The following PRR18 variants were observed in gnomAD, a reference collection of about 807,000 sequenced individuals.
The protein encoded by PRR18 is proline rich 18.
For synonymous variants in PRR18, 228 were observed against 220.2 expected, an observed-to-expected ratio of 1.04 and a Z score of -0.32; for missense variants, 517 against 437.4, an observed-to-expected ratio of 1.18 and a Z score of -1.62.
chr6:166,307,209 A>G lies in PRR18; in HGVS notation c.*46T>C. The G allele has an allele frequency of 1.5e-6, 2 of 1,361,870 alleles. No homozygotes were observed. The highest frequency in any genetic ancestry group is 3.5e-5 in the South Asian group (2 of 57,294). The allele number at this position is 1,361,870 out of a possible 1,614,324, so 84.4% of individuals were successfully genotyped here. A position where few individuals can be genotyped will look rare whatever the true frequency, so the allele number is the denominator to read the frequency against. On this transcript the variant is annotated 3_prime_UTR_variant, in exon 1 of 1. Transcript: ENST00000322583. The stretch of plus-strand genomic sequence containing the variant: ...CCTAGGCGGAGTGGCGCGTGCAGGA[A>G]GTGAGGTGGGATCAGGCCTGGCCTG...
chr6:166,307,300 G>A lies in PRR18; in HGVS notation c.843C>T (p.Gly281=), dbSNP rs1778111123. The change falls in exon 1 of 1, where the codon GGC becomes GGT. Residue 281 remains glycine, a synonymous_variant. Coordinates refer to ENST00000322583, the MANE Select transcript of PRR18 (RefSeq NM_175922.4). The part of the protein sequence containing the change: ...RGVESAAAAR[G]RAGALDSRRH... ...GCCGTGAGTCCAGGGCCCCCGCCCG[G>A]CCCCGCGCGGCAGCCGCGGACTCCA... The A allele has an allele frequency of 6.5e-7, 1 of 1,535,928 alleles. No individual in the cohort carries two copies. Among genetic ancestry groups the A allele is most frequent in the African/African-American group, 1.4e-5 (1 of 70,740 alleles).
chr6:166,308,282 C>T lies in PRR18; in HGVS notation c.-140G>A. 1 of 842,970 alleles carries T rather than the reference C, an allele frequency of 1.2e-6. No individual in the cohort carries two copies. The allele number at this position is 842,970 out of a possible 1,614,324, so 52.2% of individuals were successfully genotyped here. On this transcript the variant is annotated 5_prime_UTR_variant, in exon 1 of 1. The change creates a new upstream start codon in the 5' untranslated region. Transcript: ENST00000322583. ...AGCCGCGGCCTCTCCGGCTTCCTCA[C>T]ATCCCAGCGACCAAACCCGGGGACT...
rs773375703 is a variant in PRR18, at chr6:166,307,722, G to T, written c.421C>A (p.Pro141Thr). 1 of 1,529,706 alleles carries T rather than the reference G, an allele frequency of 6.5e-7. No individual in the cohort carries two copies. Among genetic ancestry groups the T allele is most frequent in the Non-Finnish European group, 8.8e-7 (1 of 1,136,556 alleles). 94.8% of individuals were successfully genotyped at this position (1,529,706 alleles called of 1,614,324 possible). A position where few individuals can be genotyped will look rare whatever the true frequency, so the allele number is the denominator to read the frequency against. ...SAARFCLNLT[P>T]EAVLVIQKRH... ...TTCTGGATGACCAGGACGGCCTCGG[G>T]GGTGAGATTCAGGCAGAAGCGCGCA... The change falls in exon 1 of 1, where the codon CCC becomes ACC. Residue 141 changes from proline to threonine, a missense_variant. Pro to Thr is a conservative substitution (Grantham distance 38, BLOSUM62 -1). Transcript: ENST00000322583.
In PRR18 at chr6:166,306,137, C is replaced by T. The variant is rs1242660092; in HGVS notation, c.*1118G>A. 6.6e-6 allele frequency: 1 copy of T among 152,046 alleles called. No individual in the cohort carries two copies. The highest frequency in any genetic ancestry group is 1.5e-5 in the Non-Finnish European group (1 of 68,026). The allele number at this position is 152,046 out of a possible 1,614,324, so 9.4% of individuals were successfully genotyped here. On this transcript the variant is annotated 3_prime_UTR_variant, in exon 1 of 1. Coordinates refer to ENST00000322583, the MANE Select transcript of PRR18 (RefSeq NM_175922.4). ...GACCTAGCTCCCAATGAATTAAATG[C>T]TTCACATCTAACTAAATGTGTGCCT...
Position 166,308,242 on chromosome 6 carries a change from C to T in PRR18, c.-100G>A. 8.8e-7 allele frequency: 1 copy of T among 1,133,002 alleles called. No homozygotes were observed. The highest frequency in any genetic ancestry group is 1.1e-6 in the Non-Finnish European group (1 of 898,164). The allele number at this position is 1,133,002 out of a possible 1,614,324, so 70.2% of individuals were successfully genotyped here. On this transcript the variant is annotated 5_prime_UTR_variant, in exon 1 of 1. It adds an upstream start codon to the 5' untranslated region. Transcript: ENST00000322583. Reference sequence around the variant, plus strand: ...CCCCGCAGTCCGGGCGGCCCCTCCACACCCACCTGCGTCCAGCCGCGGCCT... The same window carrying T: ...CCCCGCAGTCCGGGCGGCCCCTCCATACCCACCTGCGTCCAGCCGCGGCCT...
Position 166,307,482 on chromosome 6 carries a change from C to A in PRR18, c.661G>T (p.Val221Phe). ...CCGGGCCGCGGGCTGAGCTGGGGAA[C>A]CTGCAGGCCGCCGTGCAGCAGCTGG... ...GAQLLHGGLQ[V>F]PQLSPRPGAL... is the part of the protein sequence containing the mutation. Residue 221 changes from valine (V) to phenylalanine (F), a missense_variant, in exon 1 of 1, where the codon GTT becomes TTT. Val to Phe is a conservative substitution (Grantham distance 50, BLOSUM62 -1). Coordinates refer to ENST00000322583, the MANE Select transcript of PRR18 (RefSeq NM_175922.4). 1 of 1,436,022 alleles carries A rather than the reference C, an allele frequency of 7.0e-7. No homozygotes were observed. Among genetic ancestry groups the A allele is most frequent in the Non-Finnish European group, 9.1e-7 (1 of 1,097,778 alleles). The allele number at this position is 1,436,022 out of a possible 1,614,324, so 89.0% of individuals were successfully genotyped here. A position where few individuals can be genotyped will look rare whatever the true frequency, so the allele number is the denominator to read the frequency against.
chr6:166,307,572 G>A lies in PRR18; in HGVS notation c.571C>T (p.Pro191Ser). ...GGGGGTGCGTCGGGGTCGCTGGCGGGGCCGCCCCTCCGCGGGCCCGCGGCC... is the reference window on the plus strand; with the variant it reads ...GGGGGTGCGTCGGGGTCGCTGGCGGAGCCGCCCCTCCGCGGGCCCGCGGCC... Reference protein sequence around the residue: ...ARAAGPRRGGPASDPDAPPTA... With the variant: ...ARAAGPRRGGSASDPDAPPTA... The change falls in exon 1 of 1, where the codon CCC becomes TCC. Residue 191 changes from proline to serine, a missense_variant. Pro to Ser is a moderately conservative substitution (Grantham distance 74, BLOSUM62 -1). Coordinates refer to ENST00000322583, the MANE Select transcript of PRR18 (RefSeq NM_175922.4). 1 of 1,216,886 alleles carries A rather than the reference G, an allele frequency of 8.2e-7. No homozygotes were observed. Among genetic ancestry groups the A allele is most frequent in the Non-Finnish European group, 1.0e-6 (1 of 977,996 alleles). 75.4% of individuals were successfully genotyped at this position (1,216,886 alleles called of 1,614,324 possible).
Position 166,307,877 on chromosome 6 carries a change from G to C in PRR18, c.266C>G (p.Thr89Arg). The C allele has an allele frequency of 8.0e-7, 1 of 1,244,068 alleles. No homozygotes were observed. The highest frequency in any genetic ancestry group is 1.0e-6 in the Non-Finnish European group (1 of 995,072). The allele number at this position is 1,244,068 out of a possible 1,614,324, so 77.1% of individuals were successfully genotyped here. Residue 89 changes from threonine to arginine, a missense_variant, in exon 1 of 1, where the codon ACG (threonine) becomes AGG (arginine). Thr to Arg is a moderately conservative substitution (Grantham distance 71). Transcript: ENST00000322583. The stretch of plus-strand genomic sequence containing the variant: ...GCCTGCCGGCCGGGGCGGGGCGCAC[G>C]TGGCTGGGGCCCGCGCGCGGCTGGG... ...ALPSRARAPA[T>R]CAPPRPAGSG...
rs539933281 is a variant in PRR18 at position 166,306,556 on chromosome 6, T to C, written c.*699A>G. 1.3e-5 allele frequency: 2 copies of C among 152,296 alleles called. No individual in the cohort carries two copies. Among genetic ancestry groups the C allele is most frequent in the South Asian group, 4.1e-4 (2 of 4,824 alleles). 9.4% of individuals were successfully genotyped at this position (152,296 alleles called of 1,614,324 possible). On this transcript the variant is annotated 3_prime_UTR_variant, in exon 1 of 1. Coordinates refer to ENST00000322583, the MANE Select transcript of PRR18 (RefSeq NM_175922.4). ...CAAATAATACACAGAAAAAATGTAA[T>C]CAGCCGAGCGGTTTCCATGGAAGCG...
Position 166,307,269 on chromosome 6 carries a change from G to C in PRR18, c.874C>G (p.Leu292Val). ...GCCCGCTGGGCTCACAGCGTGCTCAGGTGCCGCCGTGAGTCCAGGGCCCCC... is the reference window on the plus strand; with the variant it reads ...GCCCGCTGGGCTCACAGCGTGCTCACGTGCCGCCGTGAGTCCAGGGCCCCC... ...RAGALDSRRH[L>V]STL The change falls in exon 1 of 1, where the codon CTG becomes GTG. Residue 292 changes from leucine to valine, a missense_variant. Leu to Val is a conservative substitution (Grantham distance 32). Transcript: ENST00000322583. 1.3e-6 allele frequency: 2 copies of C among 1,509,646 alleles called. No individual in the cohort carries two copies. Among genetic ancestry groups the C allele is most frequent in the Non-Finnish European group, 1.8e-6 (2 of 1,137,122 alleles). The allele number at this position is 1,509,646 out of a possible 1,614,324, so 93.5% of individuals were successfully genotyped here.
chr6:166,308,132 G>T lies in PRR18; in HGVS notation c.11C>A (p.Pro4Gln). The T allele has an allele frequency of 8.1e-7, 1 of 1,230,204 alleles. No individual in the cohort carries two copies. The highest frequency in any genetic ancestry group is 1.0e-6 in the Non-Finnish European group (1 of 985,462). The allele number at this position is 1,230,204 out of a possible 1,614,324, so 76.2% of individuals were successfully genotyped here. A position where few individuals can be genotyped will look rare whatever the true frequency, so the allele number is the denominator to read the frequency against. Residue 4 changes from proline to glutamine, a missense_variant, in exon 1 of 1, where the codon CCG becomes CAG. Pro to Gln is a moderately conservative substitution (Grantham distance 76). Coordinates refer to ENST00000322583, the MANE Select transcript of PRR18 (RefSeq NM_175922.4). MPF[P>Q]PMPPPPAPAP... ...GGGGGCGGGCGGCGGCGGCATGGGC[G>T]GGAAGGGCATAGTGCAGCCGAGCCG...
chr6:166,306,599 A>G lies in PRR18; in HGVS notation c.*656T>C, dbSNP rs1173949244. The G allele has an allele frequency of 1.3e-5, 2 of 152,270 alleles. No individual in the cohort carries two copies. The highest frequency in any genetic ancestry group is 2.9e-5 in the Non-Finnish European group (2 of 68,054). The allele number at this position is 152,270 out of a possible 1,614,324, so 9.4% of individuals were successfully genotyped here. On this transcript the variant is annotated 3_prime_UTR_variant, in exon 1 of 1. Coordinates refer to ENST00000322583, the MANE Select transcript of PRR18 (RefSeq NM_175922.4). Reference sequence around the variant, plus strand: ...TGGAAGCGCTCATTGACCAGGGCTCACCAGCGCCTGGCGATGCCTACCCTT... The same window carrying G: ...TGGAAGCGCTCATTGACCAGGGCTCGCCAGCGCCTGGCGATGCCTACCCTT...
rs1778088382 is a variant in PRR18 at position 166,305,866 on chromosome 6, C to T, written c.*1389G>A. The T allele has an allele frequency of 6.6e-6, 1 of 152,218 alleles. No individual in the cohort carries two copies. The highest frequency in any genetic ancestry group is 2.1e-4 in the South Asian group (1 of 4,832). The allele number at this position is 152,218 out of a possible 1,614,324, so 9.4% of individuals were successfully genotyped here. A position where few individuals can be genotyped will look rare whatever the true frequency, so the allele number is the denominator to read the frequency against. ...AGTTGAGCCACTCCTGCCCTCGGCTCGGAGTCAGTGCACTCTTGCTCCACC... is the reference window on the plus strand; with the variant it reads ...AGTTGAGCCACTCCTGCCCTCGGCTTGGAGTCAGTGCACTCTTGCTCCACC... On this transcript the variant is annotated 3_prime_UTR_variant, in exon 1 of 1. Coordinates refer to ENST00000322583, the MANE Select transcript of PRR18 (RefSeq NM_175922.4).
Position 166,308,313 on chromosome 6 carries a change from A to AGTCCCCTCCCCTCCTCCT in PRR18, c.-172_-171insAGGAGGAGGGGAGGGGAC. The AGTCCCCTCCCCTCCTCCT allele has an allele frequency of 1.7e-6, 1 of 579,724 alleles. No individual in the cohort carries two copies. Among genetic ancestry groups the AGTCCCCTCCCCTCCTCCT allele is most frequent in the Non-Finnish European group, 2.5e-6 (1 of 394,408 alleles). The allele number at this position is 579,724 out of a possible 1,614,324, so 35.9% of individuals were successfully genotyped here. A position where few individuals can be genotyped will look rare whatever the true frequency, so the allele number is the denominator to read the frequency against. ...AGCGACCAAACCCGGGGACTCAAAG[A>AGTCCCCTCCCCTCCTCCT]GAGGCGCTCCCACCCTCCCCTCCTC... is the stretch of plus-strand genomic sequence containing the variant. On this transcript the variant is annotated 5_prime_UTR_variant, in exon 1 of 1. Transcript: ENST00000322583.
rs1450948620 is a variant in PRR18, at chr6:166,308,264, G to A, written c.-122C>T. 2 of 987,570 alleles carry A rather than the reference G, an allele frequency of 2.0e-6. No individual in the cohort carries two copies. Among genetic ancestry groups the A allele is most frequent in the African/African-American group, 3.4e-5 (2 of 59,346 alleles). 61.2% of individuals were successfully genotyped at this position (987,570 alleles called of 1,614,324 possible). A position where few individuals can be genotyped will look rare whatever the true frequency, so the allele number is the denominator to read the frequency against. ...CCACACCCACCTGCGTCCAGCCGCG[G>A]CCTCTCCGGCTTCCTCACATCCCAG... On this transcript the variant is annotated 5_prime_UTR_variant, in exon 1 of 1. Coordinates refer to ENST00000322583, the MANE Select transcript of PRR18 (RefSeq NM_175922.4).
chr6:166,307,360 G>A lies in PRR18; in HGVS notation c.783C>T (p.Gly261=). ...GCCACTCCGTGCACTTGCGTACCAGGCCCTCGTCCACCGCCTCTGGCTCCT... is the reference window on the plus strand; with the variant it reads ...GCCACTCCGTGCACTTGCGTACCAGACCCTCGTCCACCGCCTCTGGCTCCT... ...YEEEPEAVDE[G]LVRKCTEWLR... is the part of the protein sequence containing the mutation. The change falls in exon 1 of 1, where the codon GGC becomes GGT. Residue 261 remains glycine (G), a synonymous_variant. Transcript: ENST00000322583. 1 of 1,580,240 alleles carries A rather than the reference G, an allele frequency of 6.3e-7. No individual in the cohort carries two copies. Among genetic ancestry groups the A allele is most frequent in the East Asian group, 2.3e-5 (1 of 42,574 alleles).
rs1404086516 is a variant in PRR18, at chr6:166,307,910, TG to T, written c.232del (p.Gln78ArgfsTer60). 5.7e-6 allele frequency: 7 copies of T among 1,224,508 alleles called. No homozygotes were observed. Among genetic ancestry groups the T allele is most frequent in the East Asian group, 3.3e-5 (1 of 30,358 alleles). The allele number at this position is 1,224,508 out of a possible 1,614,324, so 75.9% of individuals were successfully genotyped here. A position where few individuals can be genotyped will look rare whatever the true frequency, so the allele number is the denominator to read the frequency against. ...QPPAPPGVSP[Q>X]ALPSRARAPA... ...GGCCCGCGCGCGGCTGGGCAAGGCC[TG>T]GGGGGAGACGCCCGGAGGGGCCGGC... On this transcript the variant is annotated frameshift_variant, in exon 1 of 1. Transcript: ENST00000322583. LOFTEE classifies it low-confidence loss of function (END_TRUNC).
Position 166,308,335 on chromosome 6 carries a change from CCTCCTGGGGGTG to C in PRR18, c.-205_-194del. The C allele has an allele frequency of 2.1e-6, 1 of 473,306 alleles. No homozygotes were observed. The highest frequency in any genetic ancestry group is 3.3e-6 in the Non-Finnish European group (1 of 298,550). The allele number at this position is 473,306 out of a possible 1,614,324, so 29.3% of individuals were successfully genotyped here. ...AAGAGAGGCGCTCCCACCCTCCCCT[CCTCCTGGGGGTG>C]CTCCCGGGACTGGACCCTGCAGGAA... On this transcript the variant is annotated 5_prime_UTR_variant, in exon 1 of 1. Coordinates refer to ENST00000322583, the MANE Select transcript of PRR18 (RefSeq NM_175922.4).
chr6:166,307,930 G>A lies in PRR18; in HGVS notation c.213C>T (p.Ala71=). 1 of 1,226,324 alleles carries A rather than the reference G, an allele frequency of 8.2e-7. No homozygotes were observed. The highest frequency in any genetic ancestry group is 1.0e-6 in the Non-Finnish European group (1 of 981,272). 76.0% of individuals were successfully genotyped at this position (1,226,324 alleles called of 1,614,324 possible). ...AGGCCTGGGGGGAGACGCCCGGAGG[G>A]GCCGGCGGCTGCGTCCTGTCCAGGC... ...GPGLDRTQPP[A]PPGVSPQALP... is the part of the protein sequence containing the mutation. The change falls in exon 1 of 1, where the codon GCC becomes GCT. Residue 71 remains alanine (A), a synonymous_variant. Transcript: ENST00000322583.
Sources: gnomAD v4.1 joint callset for allele counts on GRCh38, gnomAD v4.1.1 for gene constraint, MANE v1.5 for transcripts, NCBI Gene and HGNC (gene_info 2026-07-23, HGNC 2026-07-21) for gene names.